The following ZDHHC15 variants were observed in gnomAD, a reference collection of about 807,000 sequenced individuals.
ZDHHC15 encodes the protein zDHHC palmitoyltransferase 15, also known as palmitoyltransferase ZDHHC15.
Under a neutral mutation model 31.7 loss-of-function variants are expected in ZDHHC15, and 19 were observed. The ratio of observed to expected loss-of-function variants is 0.60; its 90% CI spans 0.42 to 0.88. The LOEUF is 0.88. Ranked by LOEUF, ZDHHC15 falls within the 40% of genes least tolerant of loss-of-function variation. ZDHHC15 has a pLI of 0.00. For missense variants in ZDHHC15, 209 were observed against 251.2 expected, an observed-to-expected ratio of 0.83 and a Z score of 1.14; for synonymous variants, 103 against 90.0, an observed-to-expected ratio of 1.14 and a Z score of -0.82.
In ZDHHC15 at chrX:75,474,180, C is replaced by T. The variant is rs149114597; in HGVS notation, c.258+4711G>A. Among the ~76,000 whole-genome samples, 686 of 110,158 alleles carry T rather than the reference C, an allele frequency of 6.2e-3. 1 individual carries two copies. The highest frequency in any genetic ancestry group is 0.01 in the Admixed American group (107 of 10,215). ...CAGTAGGCTTGGGAAGGCAGACCCACCCTTAATCTGGATGGGCACCATCTA... is the reference window on the plus strand; with the variant it reads ...CAGTAGGCTTGGGAAGGCAGACCCATCCTTAATCTGGATGGGCACCATCTA... On this transcript the variant is annotated intron_variant, in intron 3 of 11. Transcript: ENST00000373367.
At chrX:75,513,392 G>A (rs921784825) in intron 1 of ZDHHC15, among the ~76,000 whole-genome samples, 2 of 111,863 alleles carry the variant, frequency 1.8e-5, no homozygotes, top group Non-Finnish European at 3.8e-5. Context: ...GGCAAAAACT[G>A]TCAGAATAAA....
chrX:75,453,224 C>A (rs1362510444), intron 3 of ZDHHC15, among the ~76,000 whole-genome samples: 1 of 111,691 alleles, frequency 9.0e-6, no homozygotes, highest in Non-Finnish European at 1.9e-5. Flanking sequence ...ACCGATCCCA[C>A]AGAAATACAA....
In ZDHHC15 at chrX:75,440,136, C is replaced by T. The variant is rs779249695; in HGVS notation, c.380-8616G>A. On this transcript the variant is annotated intron_variant, in intron 4 of 11. Transcript: ENST00000373367. Reference sequence around the variant, plus strand: ...TAGATTTTTTTATGGCCCTGGTTTTCTCAAATGCTGTTTGTGCTAACAGTG... The same window carrying T: ...TAGATTTTTTTATGGCCCTGGTTTTTTCAAATGCTGTTTGTGCTAACAGTG... Among the ~76,000 whole-genome samples, 4 of 112,178 alleles carry T rather than the reference C, an allele frequency of 3.6e-5. No homozygotes were observed. The South Asian group carries it at 1.5e-3, about 42-fold the overall frequency.
At chrX:75,472,986 C>A (rs190607718) in intron 3 of ZDHHC15, among the ~76,000 whole-genome samples, 1 of 112,096 alleles carries the variant, frequency 8.9e-6, no homozygotes, top group South Asian at 3.8e-4. Flanking sequence ...ATACTGACTC[C>A]GAATACAGGT....
chrX:75,504,508 C>T (rs923558631), intron 2 of ZDHHC15, among the ~76,000 whole-genome samples: 4 of 110,852 alleles, frequency 3.6e-5, no homozygotes, highest in African/African-American at 1.3e-4. Context: ...TTCCTAAATT[C>T]ATCTCTTAAT....
chrX:75,457,131 T>G (rs190032983), intron 3 of ZDHHC15, among the ~76,000 whole-genome samples: 2 of 111,930 alleles, frequency 1.8e-5, no homozygotes, highest in African/African-American at 6.5e-5. Context: ...TGCCAATGTT[T>G]TTAATTTTAA....
At chrX:75,385,278 A>G (rs1264815052) in intron 10 of ZDHHC15, among the ~76,000 whole-genome samples, 2 of 111,118 alleles carry the variant, frequency 1.8e-5, no homozygotes, top group African/African-American at 6.6e-5. Context: ...TCTGATGAGG[A>G]GAAGGGCTCT....
At chrX:75,381,158 G>A (rs1389125906) in intron 10 of ZDHHC15, among the ~76,000 whole-genome samples, 1 of 110,952 alleles carries the variant, frequency 9.0e-6, no homozygotes, top group African/African-American at 3.3e-5. Flanking sequence ...AGTATTTTTG[G>A]GATACTCTAC....
At chrX:75,446,148 G>A (rs1033158655) in intron 4 of ZDHHC15, among the ~76,000 whole-genome samples, 1 of 112,111 alleles carries the variant, frequency 8.9e-6, no homozygotes, top group African/African-American at 3.2e-5. Flanking sequence ...AAATACTAAT[G>A]TTGGAAAAAA....
chrX:75,397,470 T>C (rs2083310893), intron 10 of ZDHHC15, among the ~76,000 whole-genome samples: 1 of 111,709 alleles, frequency 9.0e-6, no homozygotes, highest in Admixed American at 9.5e-5. Context: ...TTACACATTG[T>C]ATACCTGTAT....
rs1164460571 is a variant in ZDHHC15 at position 75,407,559 on chromosome X, C to A, written c.967+9528G>T. ...CGTCCGGGAGGGAGGTGGGGGGCAG[C>A]CCCCGCCCGGCCAGCTGCCCCGTTT... is the stretch of plus-strand genomic sequence containing the variant. On this transcript the variant is annotated intron_variant, in intron 10 of 11. Coordinates refer to ENST00000373367, the MANE Select transcript of ZDHHC15 (RefSeq NM_144969.3). Among the ~76,000 whole-genome samples the A allele has an allele frequency of 3.6e-5, 4 of 110,607 alleles. No individual in the cohort carries two copies. The Admixed American group carries it at 3.8e-4, about 10-fold the overall frequency.
intron 2 of ZDHHC15, among the ~76,000 whole-genome samples, chrX:75,499,626 T>C (rs1032878764): frequency 1.8e-5 from 2 of 111,111 alleles, no homozygotes; most frequent in Admixed American, 9.6e-5. Flanking sequence ...CAAAAAACAA[T>C]AAACATTGGC....
intron 2 of ZDHHC15, among the ~76,000 whole-genome samples, chrX:75,493,490 T>C (rs2084935278): frequency 9.0e-6 from 1 of 111,470 alleles, no homozygotes; most frequent in African/African-American, 3.3e-5. Context: ...AAAGGAGAAT[T>C]TTAGACCAAT....
At chrX:75,380,628 C>CA (rs1427900473) in intron 10 of ZDHHC15, among the ~76,000 whole-genome samples, 1 of 110,860 alleles carries the variant, frequency 9.0e-6, no homozygotes, top group African/African-American at 3.3e-5. Flanking sequence ...AAAGGTAGCT[C>CA]ACCGGGTGAG....
At chrX:75,474,543 C>G (rs11093532) in intron 3 of ZDHHC15, among the ~76,000 whole-genome samples, 11 of 7,311 alleles carry the variant, frequency 1.5e-3, no homozygotes, top group African/African-American at 1.8e-3. Flanking sequence ...TATATAATCC[C>G]CTTTATATAT....
At chrX:75,503,603 A>G (rs1438662999) in intron 2 of ZDHHC15, among the ~76,000 whole-genome samples, 1 of 111,310 alleles carries the variant, frequency 9.0e-6, no homozygotes, top group Non-Finnish European at 1.9e-5. Flanking sequence ...CCAAGATCAC[A>G]TATATAGTAA....
chrX:75,503,814 TAG>T (rs1445592324), intron 2 of ZDHHC15, among the ~76,000 whole-genome samples: 1 of 111,487 alleles, frequency 9.0e-6, no homozygotes, highest in African/African-American at 3.3e-5. Context: ...TTCTGGAAGC[TAG>T]AAGTCTGAAA....
intron 4 of ZDHHC15, among the ~76,000 whole-genome samples, chrX:75,438,839 G>A (rs2083899438): frequency 8.9e-6 from 1 of 111,832 alleles, no homozygotes; most frequent in Non-Finnish European, 1.9e-5. Context: ...ATTTCTTGTA[G>A]CTCTGCCTTG....
chrX:75,440,130 G>A (rs2083917995), intron 4 of ZDHHC15, among the ~76,000 whole-genome samples: 1 of 111,818 alleles, frequency 8.9e-6, no homozygotes, highest in South Asian at 3.7e-4. Context: ...TTATGGCCCT[G>A]GTTTTCTCAA....
Sources: gnomAD v4.1 joint callset for allele counts (sites outside exome capture counted in the v4.1 genomes callset) on GRCh38, gnomAD v4.1.1 for gene constraint, MANE v1.5 for transcripts, NCBI Gene and HGNC (gene_info 2026-07-23, HGNC 2026-07-21) for gene names.